PKD2: variants seen among roughly 807,000 people sequenced by gnomAD.
The protein encoded by PKD2 is polycystin 2, transient receptor potential cation channel, also known as polycystin-2.
PKD2 carries 48 observed loss-of-function variants against 105.9 expected under a neutral mutation model. The observed-to-expected ratio is 0.45, with a 90% CI of 0.36 to 0.58. The LOEUF is 0.58. Among genes scored for constraint, PKD2 ranks in the 20% least tolerant of loss-of-function variants. PKD2 has a pLI of 0.00. For missense variants in PKD2, 1,078 were observed against 1,255.3 expected, an observed-to-expected ratio of 0.86 and a Z score of 2.13; for synonymous variants, 464 against 481.1, an observed-to-expected ratio of 0.96 and a Z score of 0.46.
intron 10 of PKD2, among the ~76,000 whole-genome samples, chr4:88,063,571 G>C (rs1720665572): frequency 6.6e-6 from 1 of 151,798 alleles, no homozygotes; most frequent in Non-Finnish European, 1.5e-5. Flanking sequence ...AAAAGAGAAT[G>C]GGCTAGCAAA....
chr4:88,059,659 T>C (rs1241987835), intron 9 of PKD2, among the ~76,000 whole-genome samples: 3 of 152,142 alleles, frequency 2.0e-5, no homozygotes, highest in Non-Finnish European at 4.4e-5. Context: ...ATCTTTATAC[T>C]AAAATTGTTT....
chr4:88,030,077 G>A (rs1187653759), intron 2 of PKD2, among the ~76,000 whole-genome samples: 1 of 152,204 alleles, frequency 6.6e-6, no homozygotes, highest in Non-Finnish European at 1.5e-5. Flanking sequence ...TACTCTCCCT[G>A]TGTCTGGACT....
intron 13 of PKD2, among the ~76,000 whole-genome samples, chr4:88,071,043 C>A (rs1481207509): frequency 6.7e-6 from 1 of 150,014 alleles, no homozygotes; most frequent in East Asian, 1.9e-4. Flanking sequence ...TTTGATGAGA[C>A]AATGTCATCA....
chr4:88,020,802 A>G (rs1008589550), intron 2 of PKD2, among the ~76,000 whole-genome samples: 1 of 149,496 alleles, frequency 6.7e-6, no homozygotes, highest in African/African-American at 2.5e-5. Flanking sequence ...TGATCCTCCC[A>G]CCTCAGTCAC....
intron 2 of PKD2, among the ~76,000 whole-genome samples, chr4:88,024,101 A>G (rs527372968): frequency 2.6e-5 from 4 of 152,298 alleles, no homozygotes; most frequent in Admixed American, 2.0e-4. Context: ...TAGCAATAGT[A>G]TTGCTATTGT....
intron 10 of PKD2, among the ~76,000 whole-genome samples, chr4:88,063,683 A>G (rs139123160): frequency 1.3e-4 from 20 of 152,382 alleles, no homozygotes; most frequent in African/African-American, 4.8e-4. Context: ...TGACACTGCG[A>G]TCATTCAAGA....
chr4:88,052,098 A>G lies in PKD2; in HGVS notation c.1656A>G (p.Ala552=), dbSNP rs765487433. ...CTTTCCCCAACTTTGAGCATCTGGC[A>G]TATTGGCAGATACAGTTCAACAATA... ...QNTFPNFEHL[A]YWQIQFNNIA... is the part of the protein sequence containing the mutation. Residue 552 remains alanine, a synonymous_variant, in exon 7 of 15, where the codon GCA becomes GCG. Coordinates refer to ENST00000237596, the MANE Select transcript of PKD2 (RefSeq NM_000297.4). 2 of 1,608,174 alleles carry G rather than the reference A, an allele frequency of 1.2e-6. No individual in the cohort carries two copies. Among genetic ancestry groups the G allele is most frequent in the South Asian group, 1.1e-5 (1 of 90,858 alleles).
chr4:88,069,993 G>A (rs1720952823), intron 13 of PKD2, among the ~76,000 whole-genome samples: 1 of 152,178 alleles, frequency 6.6e-6, no homozygotes, highest in African/African-American at 2.4e-5. Flanking sequence ...TACCTACACA[G>A]TTATCTTTAC....
intron 5 of PKD2, among the ~76,000 whole-genome samples, chr4:88,044,425 G>A (rs2110113392): frequency 1.3e-5 from 2 of 152,282 alleles, no homozygotes; most frequent in South Asian, 4.1e-4. Flanking sequence ...TTGAGGTTAA[G>A]TTCAATTCTG....
intron 2 of PKD2, among the ~76,000 whole-genome samples, chr4:88,027,880 G>C (rs1156549866): frequency 6.6e-6 from 1 of 152,162 alleles, no homozygotes; most frequent in Non-Finnish European, 1.5e-5. Context: ...GAAGGTACTT[G>C]CTTCTCCTTT....
At chr4:88,010,873 A>C (rs2110082513) in intron 1 of PKD2, among the ~76,000 whole-genome samples, 1 of 152,356 alleles carries the variant, frequency 6.6e-6, no homozygotes, top group Admixed American at 6.5e-5. Context: ...GAAAGAAGAC[A>C]TGTTTGAGGC....
chr4:88,032,644 T>A (rs1727203925), intron 2 of PKD2, among the ~76,000 whole-genome samples: 1 of 152,248 alleles, frequency 6.6e-6, no homozygotes, highest in Admixed American at 6.5e-5. Context: ...GTTATCTATT[T>A]CATGCAGTAA....
At chr4:88,073,034 C>CAA (rs34782103) in intron 13 of PKD2, among the ~76,000 whole-genome samples, 5 of 79,922 alleles carry the variant, frequency 6.3e-5, no homozygotes, top group Non-Finnish European at 4.9e-5. Flanking sequence ...GACTCTGTCT[C>CAA]AAAAAAAAAA....
chr4:88,056,098 A>T lies in PKD2; in HGVS notation c.1729A>T (p.Ile577Phe). 6.2e-7 allele frequency: 1 copy of T among 1,611,598 alleles called. No homozygotes were observed. The highest frequency in any genetic ancestry group is 1.1e-5 in the South Asian group (1 of 91,028). Residue 577 changes from isoleucine to phenylalanine, a missense_variant, in exon 8 of 15, where the codon ATC becomes TTC. Ile to Phe is a conservative substitution (Grantham distance 21). Coordinates refer to ENST00000237596, the MANE Select transcript of PKD2 (RefSeq NM_000297.4). ...CTCTCTCTTACAGCTCTTCAAATTC[A>T]TCAATTTTAACAGGACCATGAGCCA... ...FFVWIKLFKFINFNRTMSQLS... is the reference protein window; with the variant it reads ...FFVWIKLFKFFNFNRTMSQLS...
In PKD2 at chr4:88,022,988, G is replaced by A. The variant is rs1726815515; in HGVS notation, c.709+3417G>A. Among the ~76,000 whole-genome samples the A allele has an allele frequency of 2.0e-5, 3 of 152,044 alleles. No homozygotes were observed. In the South Asian group the frequency reaches 6.2e-4, roughly 32 times the overall value. On this transcript the variant is annotated intron_variant, in intron 2 of 14. Transcript: ENST00000237596. ...CCCAGCCACCCAGGAGGCTGAGGTGGGAAAATTGTTTGAAGCTGGGAGTCA... is the reference window on the plus strand; with the variant it reads ...CCCAGCCACCCAGGAGGCTGAGGTGAGAAAATTGTTTGAAGCTGGGAGTCA...
intron 10 of PKD2, among the ~76,000 whole-genome samples, chr4:88,063,034 T>C (rs1196761527): frequency 1.3e-5 from 2 of 152,216 alleles, no homozygotes; most frequent in Non-Finnish European, 2.9e-5. Context: ...CAGCACAAAG[T>C]ACAAACTCCA....
At chr4:88,068,297 C>T (rs530960722) in intron 13 of PKD2, among the ~76,000 whole-genome samples, 1 of 152,138 alleles carries the variant, frequency 6.6e-6, no homozygotes, top group African/African-American at 2.4e-5. Context: ...AGTGAAACCC[C>T]ATCTCTATTA....
intron 1 of PKD2, among the ~76,000 whole-genome samples, chr4:88,011,702 TAAAA>T (rs773612013): frequency 9.9e-5 from 15 of 152,074 alleles, no homozygotes; most frequent in Non-Finnish European, 4.4e-5. Flanking sequence ...TATTGAGACT[TAAAA>T]AAAGATTTGA....
rs1030779895 is a variant in PKD2, at chr4:88,008,347, C to T, written c.595+19C>T. On this transcript the variant is annotated intron_variant, in intron 1 of 14. Coordinates refer to ENST00000237596, the MANE Select transcript of PKD2 (RefSeq NM_000297.4). The stretch of plus-strand genomic sequence containing the variant: ...CTGCGAGGTAAGAGCGCGCGACCCG[C>T]AGCGGCAGATGCACGAACCAGAACG... 4 of 1,512,688 alleles carry T rather than the reference C, an allele frequency of 2.6e-6. No homozygotes were observed. In the East Asian group the frequency reaches 7.7e-5, roughly 29 times the overall value. The allele number at this position is 1,512,688 out of a possible 1,614,324, so 93.7% of individuals were successfully genotyped here. A position where few individuals can be genotyped will look rare whatever the true frequency, so the allele number is the denominator to read the frequency against.
Sources: gnomAD v4.1 joint callset for allele counts (sites outside exome capture counted in the v4.1 genomes callset) on GRCh38, gnomAD v4.1.1 for gene constraint, MANE v1.5 for transcripts, NCBI Gene and HGNC (gene_info 2026-07-23, HGNC 2026-07-21) for gene names.